Variants in UPP1 observed in about 807,000 individuals in gnomAD.
UPP1 encodes the protein UPase 1.
UPP1 carries 25 observed loss-of-function variants against 29.6 expected under a neutral mutation model. The observed-to-expected ratio is 0.85, with a 90% CI of 0.62 to 1.18. The LOEUF is 1.18. Among genes scored for constraint, UPP1 ranks in the 50% most tolerant of loss-of-function variants. The pLI, the probability that UPP1 is intolerant of heterozygous loss-of-function variation, is 0.00. For synonymous variants in UPP1, 165 were observed against 159.8 expected (o/e 1.03, Z -0.25); for missense variants, 368 against 410.4 (o/e 0.90, Z 0.89).
At position 48,107,223 on chromosome 7, in the gene UPP1, A is replaced by G; in HGVS notation, c.647-138A>G. On this transcript the variant is annotated intron_variant, in intron 7 of 8. Transcript: ENST00000395564. ...CACTTCGCCCAGAGTGGTTATAATG[A>G]CCCGTTTGAGTGGTCATTATAGGCA... is the stretch of plus-strand genomic sequence containing the variant. 2.1e-6 allele frequency: 3 copies of G among 1,408,316 alleles called. No homozygotes were observed. The South Asian group carries it at 3.9e-5, about 18-fold the overall frequency. 87.2% of individuals were successfully genotyped at this position (1,408,316 alleles called of 1,614,324 possible).
intron 2 of UPP1, among the ~76,000 whole-genome samples, chr7:48,091,373 G>T (rs998120018): frequency 6.6e-6 from 1 of 151,704 alleles, no homozygotes; most frequent in Non-Finnish European, 1.5e-5. Context: ...CTTCCTTGGG[G>T]AGCCAAATCC....
chr7:48,108,154 TC>T (rs376886057), intron 8 of UPP1, 63 bp from the exon 9 acceptor site: 8 of 1,574,156 alleles, frequency 5.1e-6, no homozygotes, highest in African/African-American at 4.0e-5. Flanking sequence ...GGGTTCTTCA[TC>T]CCGTCCCTGT....
At chr7:48,097,494 A>C (rs745497729) in intron 3 of UPP1, among the ~76,000 whole-genome samples, 1 of 152,160 alleles carries the variant, frequency 6.6e-6, no homozygotes, top group Non-Finnish European at 1.5e-5. Flanking sequence ...TTGGCCTCCT[A>C]AAGTACTGGG....
chr7:48,104,759 C>T (rs1792636852), intron 6 of UPP1: 1 of 152,244 alleles, frequency 6.6e-6, no homozygotes, highest in Admixed American at 6.5e-5. Context: ...CTGTCTCGGT[C>T]CTGCAAGCTT....
Position 48,103,286 on chromosome 7 carries a change from C to T in UPP1, c.322-11C>T. On this transcript the variant is annotated splice_polypyrimidine_tract_variant and intron_variant, in intron 5 of 8. Coordinates refer to ENST00000395564, the MANE Select transcript of UPP1 (RefSeq NM_003364.4). The stretch of plus-strand genomic sequence containing the variant: ...CCTTGGCTTAACATGGGTGTTTCTC[C>T]CTGGTTCCAGCATGGTATGGGCATT... 1.2e-6 allele frequency: 2 copies of T among 1,611,246 alleles called. No individual in the cohort carries two copies. The highest frequency in any genetic ancestry group is 1.7e-6 in the Non-Finnish European group (2 of 1,177,412).
At chr7:48,094,719 TCTA>T in intron 2 of UPP1, 41 bp from the exon 3 acceptor site, 1 of 1,592,840 alleles carries the variant, frequency 6.3e-7, no homozygotes, top group Non-Finnish European at 8.6e-7. Flanking sequence ...GATCTTGGTT[TCTA>T]CTGAGTGGAT....
intron 5 of UPP1, among the ~76,000 whole-genome samples, chr7:48,102,979 C>T (rs1380496132): frequency 6.6e-6 from 1 of 152,042 alleles, no homozygotes; most frequent in Non-Finnish European, 1.5e-5. Flanking sequence ...GGTATTTATG[C>T]AGGGCTTCAA....
chr7:48,106,645 A>T, intron 6 of UPP1: 1 of 503,982 alleles, frequency 2.0e-6, no homozygotes, highest in Non-Finnish European at 3.6e-6. Flanking sequence ...TCTCTTCCAT[A>T]GTGTCCATAA....
Position 48,093,957 on chromosome 7 carries a change from C to T in UPP1, c.-21-806C>T, listed in dbSNP as rs530527840. On this transcript the variant is annotated intron_variant, in intron 2 of 8. Transcript: ENST00000395564. ...GGTGGATCACCTGGGGTCAGCAGTT[C>T]GAGAACAGCCTGCCCAACATGGTGA... Among the ~76,000 whole-genome samples, 50 of 152,260 alleles carry T rather than the reference C, an allele frequency of 3.3e-4. 2 individuals carry two copies. In the South Asian group the frequency reaches 9.3e-3, roughly 28 times the overall value.
Position 48,107,351 on chromosome 7 carries a change from T to G in UPP1, c.647-10T>G. On this transcript the variant is annotated splice_polypyrimidine_tract_variant and intron_variant, in intron 7 of 8. Coordinates refer to ENST00000395564, the MANE Select transcript of UPP1 (RefSeq NM_003364.4). ...TGCATGTGGTTCTCATGTCTCCATG[T>G]GTGCCTCAGGGCAAGGCCGTCTGGA... 2.5e-6 allele frequency: 4 copies of G among 1,605,810 alleles called. No individual in the cohort carries two copies.
intron 5 of UPP1, among the ~76,000 whole-genome samples, chr7:48,102,205 C>T (rs141571994): frequency 2.8e-4 from 42 of 152,258 alleles, no homozygotes; most frequent in East Asian, 1.7e-3. Context: ...GCATATACAC[C>T]GCTGTCTGTC....
intron 8 of UPP1, 86 bp downstream of exon 8, chr7:48,107,593 G>T: frequency 6.8e-7 from 1 of 1,479,198 alleles, no homozygotes; most frequent in South Asian, 1.3e-5. Flanking sequence ...CCTCCTCCTG[G>T]GGCACCCCGA....
chr7:48,106,747 T>TGG (rs1792766447), intron 6 of UPP1, 126 bp from the exon 7 acceptor site: 5 of 809,806 alleles, frequency 6.2e-6, no homozygotes. Flanking sequence ...GGATGCTTCG[T>TGG]GTTTGGATGT....
intron 3 of UPP1, among the ~76,000 whole-genome samples, chr7:48,097,621 C>T (rs1792194396): frequency 1.3e-5 from 2 of 152,176 alleles, no homozygotes; most frequent in African/African-American, 4.8e-5. Flanking sequence ...GGAGAAAAGA[C>T]AAGTATTTTA....
Position 48,101,954 on chromosome 7 carries a change from A to G in UPP1, c.293A>G (p.Tyr98Cys), listed in dbSNP as rs1365269449. 1 of 1,614,016 alleles carries G rather than the reference A, an allele frequency of 6.2e-7. No homozygotes were observed. Among genetic ancestry groups the G allele is most frequent in the Non-Finnish European group, 8.5e-7 (1 of 1,179,944 alleles). ...ICAGTDRYAM[Y>C]KVGPVLSVSH... ...GCGGGAACTGACCGCTATGCCATGT[A>G]TAAAGTAGGACCGGTGCTGTCTGTC... Residue 98 changes from tyrosine (Y) to cysteine (C), a missense_variant, in exon 5 of 9, where the codon TAT becomes TGT. Transcript: ENST00000395564.
intron 6 of UPP1, chr7:48,103,660 CT>C: frequency 1.9e-6 from 2 of 1,048,106 alleles, no homozygotes; most frequent in Non-Finnish European, 2.6e-6. Context: ...GAAACTCATC[CT>C]TTTGGGGTTA....
At chr7:48,100,103 G>A (rs569925379) in intron 4 of UPP1, among the ~76,000 whole-genome samples, 9 of 152,280 alleles carry the variant, frequency 5.9e-5, no homozygotes, top group East Asian at 5.8e-4. Context: ...AACATAGAGC[G>A]TAACCACACA....
chr7:48,092,027 C>T (rs1306554339), intron 2 of UPP1, among the ~76,000 whole-genome samples: 1 of 152,088 alleles, frequency 6.6e-6, no homozygotes, highest in African/African-American at 2.4e-5. Flanking sequence ...CCGGGGGCCA[C>T]TCAGCAGTCT....
In UPP1 at chr7:48,090,298, T is replaced by C. The variant is rs1397823222; in HGVS notation, c.-88T>C. 6.6e-6 allele frequency: 1 copy of C among 152,282 alleles called. No homozygotes were observed. The highest frequency in any genetic ancestry group is 1.5e-5 in the Non-Finnish European group (1 of 68,060). The allele number at this position is 152,282 out of a possible 1,614,324, so 9.4% of individuals were successfully genotyped here. On this transcript the variant is annotated 5_prime_UTR_variant, in exon 2 of 9. Coordinates refer to ENST00000395564, the MANE Select transcript of UPP1 (RefSeq NM_003364.4). Reference sequence around the variant, plus strand: ...CGCGGGTGACTCGCCGGCAGGACACTGCCTGGAACGCCTGGAGCGCCTCCC... The same window carrying C: ...CGCGGGTGACTCGCCGGCAGGACACCGCCTGGAACGCCTGGAGCGCCTCCC...
Sources: allele counts gnomAD v4.1 joint callset (sites outside exome capture counted in the v4.1 genomes callset), GRCh38; gene constraint gnomAD v4.1.1; transcripts MANE v1.5; gene names NCBI Gene and HGNC (gene_info 2026-07-23, HGNC 2026-07-21).